Variants in RALGPS2 observed in about 807,000 individuals in gnomAD.
RALGPS2 encodes Ral GEF with PH domain and SH3 binding motif 2.
A neutral mutation model predicts 86.8 loss-of-function variants in RALGPS2; 43 were observed. The ratio of observed to expected loss-of-function variants is 0.50; its 90% CI spans 0.39 to 0.64. The LOEUF (loss-of-function observed/expected upper bound fraction) is 0.64. Among genes scored for constraint, RALGPS2 ranks in the 30% least tolerant of loss-of-function variants. RALGPS2 has a pLI of 0.00. For synonymous variants in RALGPS2, 243 were observed against 231.3 expected (o/e 1.05, Z -0.46); for missense variants, 536 against 694.6 (o/e 0.77, Z 2.57).
intron 8 of RALGPS2, among the ~76,000 whole-genome samples, chr1:178,849,500 T>G (rs1470074730): frequency 6.6e-6 from 1 of 152,198 alleles, no homozygotes; most frequent in Non-Finnish European, 1.5e-5. Context: ...TGATAAAGTT[T>G]TGGGTGTTTA....
At chr1:178,882,645 G>A (rs1483880466) in intron 10 of RALGPS2, among the ~76,000 whole-genome samples, 1 of 152,124 alleles carries the variant, frequency 6.6e-6, no homozygotes, top group Non-Finnish European at 1.5e-5. Context: ...GCAATATTAA[G>A]CTTCGTGTAT....
intron 8 of RALGPS2, among the ~76,000 whole-genome samples, chr1:178,869,886 A>G (rs1270177697): frequency 6.6e-6 from 1 of 152,078 alleles, no homozygotes; most frequent in South Asian, 2.1e-4. Flanking sequence ...AAGCTCCCAG[A>G]TAGAATATTG....
intron 8 of RALGPS2, among the ~76,000 whole-genome samples, chr1:178,861,217 T>C (rs1255660131): frequency 6.6e-6 from 1 of 152,066 alleles, no homozygotes; most frequent in Non-Finnish European, 1.5e-5. Context: ...GTCTAGCAGA[T>C]TATCCCTTTG....
chr1:178,769,938 C>T (rs1001684207), intron 1 of RALGPS2, among the ~76,000 whole-genome samples: 3 of 152,064 alleles, frequency 2.0e-5, no homozygotes, highest in Non-Finnish European at 2.9e-5. Flanking sequence ...TGTTCTCCTT[C>T]CCAGGCTCTG....
chr1:178,760,859 G>C (rs893121939), intron 1 of RALGPS2, among the ~76,000 whole-genome samples: 1 of 151,808 alleles, frequency 6.6e-6, no homozygotes, highest in Admixed American at 6.6e-5. Flanking sequence ...AAATTTTCTT[G>C]AATTATTTTC....
chr1:178,839,938 C>T (rs1055091952), intron 8 of RALGPS2, among the ~76,000 whole-genome samples: 12 of 152,202 alleles, frequency 7.9e-5, no homozygotes, highest in Non-Finnish European at 1.5e-4. Context: ...ATCAATTCAA[C>T]AAGAAGAGCT....
At chr1:178,823,319 A>G (rs1655597407) in intron 7 of RALGPS2, among the ~76,000 whole-genome samples, 1 of 152,222 alleles carries the variant, frequency 6.6e-6, no homozygotes, top group African/African-American at 2.4e-5. Context: ...ATACTGTGCT[A>G]TGCACTCTGT....
chr1:178,747,038 T>C, intron 1 of RALGPS2: 1 of 879,852 alleles, frequency 1.1e-6, no homozygotes, highest in East Asian at 2.4e-5. Context: ...GTTATAGCCA[T>C]GTATGAGAAT....
chr1:178,811,066 A>G (rs935713273), intron 5 of RALGPS2, among the ~76,000 whole-genome samples: 1 of 151,948 alleles, frequency 6.6e-6, no homozygotes, highest in Non-Finnish European at 1.5e-5. Flanking sequence ...TTAGATATAT[A>G]TTTTTTTCTT....
intron 7 of RALGPS2, among the ~76,000 whole-genome samples, chr1:178,830,575 T>C (rs1655969764): frequency 6.6e-6 from 1 of 152,206 alleles, no homozygotes; most frequent in Non-Finnish European, 1.5e-5. Flanking sequence ...ACAAAAATCC[T>C]TGTGAGATGA....
In RALGPS2 at chr1:178,823,130, T is replaced by C. The variant is rs530245807; in HGVS notation, c.480+1426T>C. On this transcript the variant is annotated intron_variant, in intron 7 of 19. Transcript: ENST00000367635. Reference sequence around the variant, plus strand: ...AGCCATTACGCCCAGTCCTATACTTTTATTTATGATTTGGTTTAGTAATGA... The same window carrying C: ...AGCCATTACGCCCAGTCCTATACTTCTATTTATGATTTGGTTTAGTAATGA... Among the ~76,000 whole-genome samples the C allele has an allele frequency of 1.4e-4, 21 of 152,342 alleles. No individual in the cohort carries two copies. The South Asian group carries it at 4.1e-3, about 30-fold the overall frequency.
At chr1:178,798,531 G>A (rs986982112) in intron 4 of RALGPS2, among the ~76,000 whole-genome samples, 4 of 152,184 alleles carry the variant, frequency 2.6e-5, no homozygotes, top group African/African-American at 9.7e-5. Flanking sequence ...CGACATTACA[G>A]GAACAGGTTG....
chr1:178,835,256 C>CTGT (rs1465693791), intron 8 of RALGPS2, among the ~76,000 whole-genome samples: 1 of 152,164 alleles, frequency 6.6e-6, no homozygotes, highest in Non-Finnish European at 1.5e-5. Flanking sequence ...CACAATGACT[C>CTGT]TACAGTCCTT....
At chr1:178,901,628 C>T (rs1446374401) in intron 17 of RALGPS2, among the ~76,000 whole-genome samples, 3 of 150,594 alleles carry the variant, frequency 2.0e-5, no homozygotes, top group Non-Finnish European at 3.0e-5. Flanking sequence ...TATCTGGTTG[C>T]AGGGAGCTGA....
intron 4 of RALGPS2, among the ~76,000 whole-genome samples, chr1:178,793,944 G>C (rs1378953979): frequency 6.6e-6 from 1 of 152,166 alleles, no homozygotes; most frequent in East Asian, 1.9e-4. Context: ...TAGGGCAGAA[G>C]TTTTGCCAAA....
At chr1:178,841,135 C>A (rs1461199963) in intron 8 of RALGPS2, among the ~76,000 whole-genome samples, 1 of 151,824 alleles carries the variant, frequency 6.6e-6, no homozygotes, top group Non-Finnish European at 1.5e-5. Flanking sequence ...AGGGAATCCT[C>A]CCTAACTCAT....
intron 19 of RALGPS2, among the ~76,000 whole-genome samples, chr1:178,908,487 A>C (rs149693864): frequency 1.3e-5 from 2 of 152,278 alleles, no homozygotes; most frequent in African/African-American, 4.8e-5. Flanking sequence ...CTGTTTCAAG[A>C]TCTTTGAGAA....
At chr1:178,899,593 A>G (rs1255679572) in intron 17 of RALGPS2, among the ~76,000 whole-genome samples, 1 of 151,712 alleles carries the variant, frequency 6.6e-6, no homozygotes, top group Non-Finnish European at 1.5e-5. Flanking sequence ...CACCATTTAA[A>G]CATAGCACCA....
intron 13 of RALGPS2, among the ~76,000 whole-genome samples, chr1:178,888,787 A>C (rs896650873): frequency 6.6e-6 from 1 of 152,114 alleles, no homozygotes; most frequent in African/African-American, 2.4e-5. Context: ...GACGAGTCTA[A>C]TGGATACCTT....
Sources: allele counts gnomAD v4.1 joint callset (sites outside exome capture counted in the v4.1 genomes callset), GRCh38; gene constraint gnomAD v4.1.1; transcripts MANE v1.5; gene names NCBI Gene and HGNC (gene_info 2026-07-23, HGNC 2026-07-21).